FAM163B: variants seen among roughly 807,000 people sequenced by gnomAD.
FAM163B encodes family with sequence similarity 163 member B.
FAM163B carries 4 observed loss-of-function variants against 7.6 expected under a neutral mutation model. That is an observed-to-expected ratio of 0.52 (90% confidence interval 0.26 to 1.20). The LOEUF (loss-of-function observed/expected upper bound fraction) is 1.20, where lower values mean the gene tolerates loss of function less well. Among genes scored for constraint, FAM163B ranks in the 50% most tolerant of loss-of-function variants. The pLI is 0.14. For synonymous variants in FAM163B, 120 were observed against 111.6 expected (o/e 1.07, Z -0.47); for missense variants, 250 against 243.0 (o/e 1.03, Z -0.19).
At position 133,606,763 on chromosome 9, in the gene FAM163B, C is replaced by G. The variant is rs1251989659; in HGVS notation, c.-24+2314G>C. 2.0e-5 allele frequency among the ~76,000 whole-genome samples: 3 copies of G among 152,182 alleles called. No homozygotes were observed. Among genetic ancestry groups the G allele is most frequent in the Non-Finnish European group, 4.4e-5 (3 of 68,044 alleles). ...GGGCTCGGCTGCTGCTCTGCCTCCC[C>G]TCCTGCCCCGAGAGTTTAGAGTCAG... On this transcript the variant is annotated intron_variant, in intron 1 of 2. Coordinates refer to ENST00000673969, the MANE Select transcript of FAM163B (RefSeq NM_001080515.3). This position sits in a 1 kb window ranked among gnomAD's most constrained non-coding sequence, Gnocchi z 4.0.
chr9:133,602,752 C>A (rs1831745597), intron 1 of FAM163B, among the ~76,000 whole-genome samples: 1 of 152,182 alleles, frequency 6.6e-6, no homozygotes, highest in African/African-American at 2.4e-5. Context: ...GAGTCTTTAA[C>A]CAAACAAACT....
In FAM163B at chr9:133,579,310, C is replaced by T. The variant is rs1228799531; in HGVS notation, c.213G>A (p.Ala71=). 6.2e-6 allele frequency: 10 copies of T among 1,613,490 alleles called. No individual in the cohort carries two copies. Among genetic ancestry groups the T allele is most frequent in the African/African-American group, 4.0e-5 (3 of 75,050 alleles). Residue 71 remains alanine, a synonymous_variant, in exon 3 of 3, where the codon GCG becomes GCA. Coordinates refer to ENST00000673969, the MANE Select transcript of FAM163B (RefSeq NM_001080515.3). ...AGGAGGTGGAGGCGGTGGGGTAGAG[C>T]GCCGGCCCGTTGGTCAGCACCAGGT... ...NRNLVLTNGP[A]LYPTASTSFS...
At chr9:133,587,429 G>A (rs1831457525) in intron 1 of FAM163B, among the ~76,000 whole-genome samples, 2 of 152,316 alleles carry the variant, frequency 1.3e-5, no homozygotes, top group Admixed American at 6.5e-5. Flanking sequence ...GTCCCCACCA[G>A]GAAGTCACTG....
In FAM163B at chr9:133,578,881, G is replaced by A. The variant is rs1831296614; in HGVS notation, c.*141C>T. 2 of 1,410,986 alleles carry A rather than the reference G, an allele frequency of 1.4e-6. No homozygotes were observed. Among genetic ancestry groups the A allele is most frequent in the Non-Finnish European group, 1.9e-6 (2 of 1,080,770 alleles). The allele number at this position is 1,410,986 out of a possible 1,614,324, so 87.4% of individuals were successfully genotyped here. A position where few individuals can be genotyped will look rare whatever the true frequency, so the allele number is the denominator to read the frequency against. On this transcript the variant is annotated 3_prime_UTR_variant, in exon 3 of 3. Coordinates refer to ENST00000673969, the MANE Select transcript of FAM163B (RefSeq NM_001080515.3). ...TGCCACGAGCCTGGGGGCTCCCCAA[G>A]CCTGGGCCTCCCCTGAGGACAGGGA...
At chr9:133,597,318 T>C (rs1287926343) in intron 1 of FAM163B, among the ~76,000 whole-genome samples, 1 of 152,052 alleles carries the variant, frequency 6.6e-6, no homozygotes, top group Non-Finnish European at 1.5e-5. Context: ...CTTCTAGAGA[T>C]GAAAACATGA....
intron 1 of FAM163B, among the ~76,000 whole-genome samples, chr9:133,581,627 C>T (rs1009420069): frequency 1.1e-4 from 17 of 152,326 alleles, no homozygotes; most frequent in African/African-American, 3.1e-4. Flanking sequence ...AACCCATTCA[C>T]GCCCCGCACC....
chr9:133,577,461 A>G lies in FAM163B; in HGVS notation c.*1561T>C, dbSNP rs1831268810. On this transcript the variant is annotated 3_prime_UTR_variant, in exon 3 of 3. Transcript: ENST00000673969. ...GAGGAGGAAAACAATTGAGAACATA[A>G]CGATTGTGACTTCGTCAGCCGTTCC... Among the ~76,000 whole-genome samples the G allele has an allele frequency of 6.6e-6, 1 of 152,200 alleles. No individual in the cohort carries two copies. The highest frequency in any genetic ancestry group is 2.4e-5 in the African/African-American group (1 of 41,460).
At chr9:133,590,818 G>T (rs1349371492) in intron 1 of FAM163B, among the ~76,000 whole-genome samples, 3 of 152,184 alleles carry the variant, frequency 2.0e-5, no homozygotes, top group Non-Finnish European at 4.4e-5. Flanking sequence ...TGCCTGAGGG[G>T]CCGCTGGGTG....
At chr9:133,590,260 T>C (rs1449354435) in intron 1 of FAM163B, among the ~76,000 whole-genome samples, 1 of 141,690 alleles carries the variant, frequency 7.1e-6, no homozygotes, top group African/African-American at 2.5e-5. Context: ...CTCTCTCTCC[T>C]TCCTTCCTTT....
chr9:133,599,977 CTGTG>C (rs1831693755), intron 1 of FAM163B, among the ~76,000 whole-genome samples: 2 of 31,694 alleles, frequency 6.3e-5, no homozygotes, highest in Admixed American at 6.2e-4. Context: ...GTGTGTGTGT[CTGTG>C]TGCATATGCG....
intron 1 of FAM163B, among the ~76,000 whole-genome samples, chr9:133,585,144 G>A (rs1484649728): frequency 7.9e-5 from 12 of 152,178 alleles, no homozygotes; most frequent in Admixed American, 2.6e-4. Context: ...CTCTGTAGCC[G>A]GCAGGGAGAG....
intron 1 of FAM163B, among the ~76,000 whole-genome samples, chr9:133,587,595 G>A (rs931934559): frequency 3.5e-4 from 54 of 152,304 alleles, no homozygotes; most frequent in Middle Eastern, 6.8e-3. Context: ...AGCCTTCAGT[G>A]CAGTCAGAGG....
chr9:133,606,743 C>G lies in FAM163B; in HGVS notation c.-24+2334G>C, dbSNP rs561518304. Among the ~76,000 whole-genome samples, 3 of 152,290 alleles carry G rather than the reference C, an allele frequency of 2.0e-5. No individual in the cohort carries two copies. The East Asian group carries it at 5.8e-4, about 29-fold the overall frequency. On this transcript the variant is annotated intron_variant, in intron 1 of 2. Coordinates refer to ENST00000673969, the MANE Select transcript of FAM163B (RefSeq NM_001080515.3). The surrounding 1 kb of genome is among the most constrained non-coding windows in gnomAD (Gnocchi z 4.0). ...CGGAGTGGAGGACAGAACAAGGGCT[C>G]GGCTGCTGCTCTGCCTCCCCTCCTG...
chr9:133,582,940 C>T (rs1003989240), intron 1 of FAM163B, among the ~76,000 whole-genome samples: 11 of 152,204 alleles, frequency 7.2e-5, no homozygotes, highest in Admixed American at 5.9e-4. Context: ...GGAGAGATTG[C>T]TGTTGTGGTC....
intron 1 of FAM163B, among the ~76,000 whole-genome samples, chr9:133,586,692 T>C (rs1166690660): frequency 6.6e-6 from 1 of 152,054 alleles, no homozygotes; most frequent in African/African-American, 2.4e-5. Context: ...CTCTGTGCTC[T>C]TAAAGAATGG....
At chr9:133,590,379 C>A (rs1409364617) in intron 1 of FAM163B, among the ~76,000 whole-genome samples, 1 of 151,980 alleles carries the variant, frequency 6.6e-6, no homozygotes, top group Non-Finnish European at 1.5e-5. Context: ...GCTGGAACGA[C>A]CAGAGCTCTC....
Position 133,600,428 on chromosome 9 carries a change from C to T in FAM163B, c.-24+8649G>A, listed in dbSNP as rs141322719. 2.3e-3 allele frequency among the ~76,000 whole-genome samples: 345 copies of T among 152,294 alleles called. No individual in the cohort carries two copies. The highest frequency in any genetic ancestry group is 7.7e-3 in the African/African-American group (321 of 41,536). ...CGTGTGCCACAGTACCCCTGTTTCCCTGTGGTGCCACCCACTCTCAGTTTA... is the reference window on the plus strand; with the variant it reads ...CGTGTGCCACAGTACCCCTGTTTCCTTGTGGTGCCACCCACTCTCAGTTTA... On this transcript the variant is annotated intron_variant, in intron 1 of 2. Coordinates refer to ENST00000673969, the MANE Select transcript of FAM163B (RefSeq NM_001080515.3). This position sits in a 1 kb window ranked among gnomAD's most constrained non-coding sequence, Gnocchi z 4.9.
At chr9:133,594,483 C>G (rs1831602216) in intron 1 of FAM163B, among the ~76,000 whole-genome samples, 1 of 152,212 alleles carries the variant, frequency 6.6e-6, no homozygotes, top group Non-Finnish European at 1.5e-5. Flanking sequence ...GGCCATCTGT[C>G]TCCATGCTCC....
rs1831823517 is a variant in FAM163B, at chr9:133,609,153, G to C, written c.-100C>G. On this transcript the variant is annotated 5_prime_UTR_variant, in exon 1 of 3. Coordinates refer to ENST00000673969, the MANE Select transcript of FAM163B (RefSeq NM_001080515.3). ...GACGGGGCGGGCGGGCGTCCGACCCGGGCAGGGCGCAGCTAGCGGCGGCCG... is the reference window on the plus strand; with the variant it reads ...GACGGGGCGGGCGGGCGTCCGACCCCGGCAGGGCGCAGCTAGCGGCGGCCG... 8.5e-5 allele frequency among the ~76,000 whole-genome samples: 13 copies of C among 152,054 alleles called. No individual in the cohort carries two copies. In the South Asian group the frequency reaches 2.7e-3, roughly 31 times the overall value.
Sources: gnomAD v4.1 joint callset for allele counts (sites outside exome capture counted in the v4.1 genomes callset) on GRCh38, gnomAD v4.1.1 for gene constraint, Gnocchi (gnomAD v3.1) non-coding constraint, MANE v1.5 for transcripts, NCBI Gene and HGNC (gene_info 2026-07-23, HGNC 2026-07-21) for gene names.